Variants in HS6ST2 observed in about 807,000 individuals in gnomAD.
HS6ST2 encodes heparan sulfate 6-O-sulfotransferase 2.
Under a neutral mutation model 33.0 loss-of-function variants are expected in HS6ST2, and 17 were observed. That is an observed-to-expected ratio of 0.52 (90% CI 0.35 to 0.77). The LOEUF (loss-of-function observed/expected upper bound fraction) is 0.77. Among genes scored for constraint, HS6ST2 ranks in the 30% least tolerant of loss-of-function variants. The pLI, the probability that HS6ST2 is intolerant of heterozygous loss-of-function variation, is 0.01. For synonymous variants in HS6ST2, 248 were observed against 237.1 expected (o/e 1.05, Z -0.42); for missense variants, 519 against 551.7 (o/e 0.94, Z 0.59).
chrX:132,735,621 G>C (rs2064500779), intron 2 of HS6ST2, among the ~76,000 whole-genome samples: 1 of 111,291 alleles, frequency 9.0e-6, no homozygotes, highest in Admixed American at 9.5e-5. Context: ...AAACAGGAAG[G>C]CTGGTCTCAA....
intron 4 of HS6ST2, among the ~76,000 whole-genome samples, chrX:132,654,799 A>C (rs1393449048): frequency 3.6e-5 from 4 of 111,946 alleles, no homozygotes; most frequent in Non-Finnish European, 7.5e-5. Flanking sequence ...CTCATTTTGT[A>C]CTTTGGTAGG....
At chrX:132,743,829 G>A (rs143914535) in intron 2 of HS6ST2, among the ~76,000 whole-genome samples, 1,386 of 111,796 alleles carry the variant, frequency 0.012, 25 homozygotes, top group African/African-American at 0.043. Flanking sequence ...ATGCAATGAT[G>A]TGAACATGGC....
rs1034490780 is a variant in HS6ST2 at position 132,726,215 on chromosome X, C to T, written c.948-17721G>A. Among the ~76,000 whole-genome samples, 4 of 111,115 alleles carry T rather than the reference C, an allele frequency of 3.6e-5. No individual in the cohort carries two copies. The Admixed American group carries it at 3.8e-4, about 11-fold the overall frequency. ...ATAAATACTTGAGGGGATGGATACC[C>T]CATTTTCCATGATGTGATTATTATG... On this transcript the variant is annotated intron_variant, in intron 2 of 4. Transcript: ENST00000370833.
intron 2 of HS6ST2, among the ~76,000 whole-genome samples, chrX:132,755,573 C>A (rs766734433): frequency 9.0e-6 from 1 of 110,722 alleles, no homozygotes; most frequent in Non-Finnish European, 1.9e-5. Context: ...TAAAGTTTAA[C>A]TGGAACCAAG....
chrX:132,695,054 G>C (rs892569729), intron 3 of HS6ST2, among the ~76,000 whole-genome samples: 1 of 110,674 alleles, frequency 9.0e-6, no homozygotes, highest in African/African-American at 3.3e-5. Context: ...GGGACGAGGT[G>C]GCGCTGGAGA....
chrX:132,850,378 T>C (rs1276223943), intron 2 of HS6ST2, among the ~76,000 whole-genome samples: 1 of 111,585 alleles, frequency 9.0e-6, no homozygotes. Context: ...TCCCACACTC[T>C]CTTTTTCTAA....
chrX:132,891,676 A>G lies in HS6ST2; in HGVS notation c.947+65132T>C, dbSNP rs182733809. ...TTGCGATAGTTTACTGACAATAATG[A>G]TTTCCAGTTTCATCCATGTCCCTAC... On this transcript the variant is annotated intron_variant, in intron 2 of 4. Coordinates refer to ENST00000370833, the MANE Select transcript of HS6ST2 (RefSeq NM_001394073.1). Among the ~76,000 whole-genome samples, 6 of 111,037 alleles carry G rather than the reference A, an allele frequency of 5.4e-5. No homozygotes were observed. In the East Asian group the frequency reaches 8.5e-4, roughly 16 times the overall value.
intron 2 of HS6ST2, among the ~76,000 whole-genome samples, chrX:132,861,236 G>A (rs998994034): frequency 6.2e-5 from 7 of 112,257 alleles, no homozygotes; most frequent in Non-Finnish European, 1.3e-4. Flanking sequence ...ATATTCTACA[G>A]AGTATATGTG....
intron 2 of HS6ST2, among the ~76,000 whole-genome samples, chrX:132,785,309 C>CTGA (rs1214516456): frequency 8.9e-6 from 1 of 111,855 alleles, no homozygotes; most frequent in Non-Finnish European, 1.9e-5. Flanking sequence ...AGACTTCAGG[C>CTGA]TGATGCTGAG....
At chrX:132,641,526 G>A (rs1263517066) in intron 4 of HS6ST2, among the ~76,000 whole-genome samples, 1 of 112,796 alleles carries the variant, frequency 8.9e-6, no homozygotes, top group African/African-American at 3.2e-5. Context: ...ATTTCTATTT[G>A]ACAATGCTGA....
intron 2 of HS6ST2, among the ~76,000 whole-genome samples, chrX:132,877,297 C>A (rs939857047): frequency 2.4e-4 from 27 of 112,232 alleles, no homozygotes; most frequent in African/African-American, 8.7e-4. Flanking sequence ...GTCTATTTTA[C>A]AGATAAGAAA....
chrX:132,698,017 G>A (rs942320443), intron 3 of HS6ST2, among the ~76,000 whole-genome samples: 7 of 111,750 alleles, frequency 6.3e-5, no homozygotes, highest in Non-Finnish European at 1.3e-4. Context: ...AAACGGACAT[G>A]GTAGATATCA....
At chrX:132,881,328 G>A (rs1409749991) in intron 2 of HS6ST2, among the ~76,000 whole-genome samples, 5 of 111,204 alleles carry the variant, frequency 4.5e-5, no homozygotes, top group Non-Finnish European at 9.4e-5. Context: ...TCTAACTGGT[G>A]TGAGATGGTA....
chrX:132,796,157 A>C (rs1208271272), intron 2 of HS6ST2, among the ~76,000 whole-genome samples: 1 of 111,791 alleles, frequency 8.9e-6, no homozygotes, highest in Non-Finnish European at 1.9e-5. Flanking sequence ...ATGTTCAGGG[A>C]AAGGTTTGGG....
chrX:132,798,728 G>A (rs1487009622), intron 2 of HS6ST2, among the ~76,000 whole-genome samples: 1 of 111,896 alleles, frequency 8.9e-6, no homozygotes, highest in African/African-American at 3.2e-5. Flanking sequence ...GCTTTAGGCT[G>A]ATCTCAAGTT....
intron 2 of HS6ST2, among the ~76,000 whole-genome samples, chrX:132,894,143 G>T (rs2066344992): frequency 9.4e-6 from 1 of 106,264 alleles, no homozygotes. Context: ...TTTTTGTGGG[G>T]GGGGAGGTGG....
At chrX:132,881,149 G>A (rs190286676) in intron 2 of HS6ST2, among the ~76,000 whole-genome samples, 1,241 of 111,080 alleles carry the variant, frequency 0.011, 8 homozygotes, top group South Asian at 0.048. Context: ...CCCAGTAATG[G>A]GATGGCTGGG....
At chrX:132,734,152 G>A (rs932456329) in intron 2 of HS6ST2, among the ~76,000 whole-genome samples, 6 of 104,239 alleles carry the variant, frequency 5.8e-5, no homozygotes, top group Middle Eastern at 4.7e-3. Flanking sequence ...AAGAAAACTT[G>A]CAATTAATAT....
At chrX:132,831,317 A>G (rs2065587950) in intron 2 of HS6ST2, among the ~76,000 whole-genome samples, 1 of 111,247 alleles carries the variant, frequency 9.0e-6, no homozygotes, top group Non-Finnish European at 1.9e-5. Context: ...AGCATAAAAC[A>G]AAACACTTAA....
Sources: gnomAD v4.1 joint callset for allele counts (sites outside exome capture counted in the v4.1 genomes callset) on GRCh38, gnomAD v4.1.1 for gene constraint, MANE v1.5 for transcripts, NCBI Gene and HGNC (gene_info 2026-07-23, HGNC 2026-07-21) for gene names.